The following MYH14 variants were observed in gnomAD, a reference collection of about 807,000 sequenced individuals.
MYH14 encodes the protein myosin-14.
A neutral mutation model predicts 255.5 loss-of-function variants in MYH14; 123 were observed. The observed-to-expected ratio is 0.48, with a 90% CI of 0.42 to 0.56. MYH14 has a LOEUF of 0.56. MYH14 is among the 20% of genes least tolerant of loss of function. MYH14 has a pLI of 0.00. For synonymous variants in MYH14, 1,095 were observed against 1,161.2 expected (o/e 0.94, Z 1.16); for missense variants, 2,423 against 2,802.3 (o/e 0.86, Z 3.06).
At chr19:50,281,317 G>A (rs1018991897) in intron 32 of MYH14, among the ~76,000 whole-genome samples, 1 of 152,156 alleles carries the variant, frequency 6.6e-6, no homozygotes, top group African/African-American at 2.4e-5. Context: ...CCCTGGCTGT[G>A]ACTCTGTGTC....
chr19:50,230,991 A>C lies in MYH14; in HGVS notation c.973+368A>C. On this transcript the variant is annotated intron_variant, in intron 9 of 42. Coordinates refer to ENST00000642316, the MANE Select transcript of MYH14 (RefSeq NM_001145809.2). The surrounding 1 kb of genome is among the most constrained non-coding windows in gnomAD (Gnocchi z 4.7). ...TTGCTGAGGCTCCTCCTGGTTCCTG[A>C]CGACGCTGGTTTGTGTTGCTTCTCG... The C allele has an allele frequency of 3.8e-6, 1 of 262,056 alleles. No homozygotes were observed. The highest frequency in any genetic ancestry group is 7.5e-6 in the Non-Finnish European group (1 of 132,768). 16.2% of individuals were successfully genotyped at this position (262,056 alleles called of 1,614,324 possible).
chr19:50,258,858 A>G lies in MYH14; in HGVS notation c.2233-286A>G, dbSNP rs867070119. 7.6e-5 allele frequency: 25 copies of G among 329,094 alleles called. No individual in the cohort carries two copies. The Middle Eastern group carries it at 2.4e-3, about 31-fold the overall frequency. 20.4% of individuals were successfully genotyped at this position (329,094 alleles called of 1,614,324 possible). A position where few individuals can be genotyped will look rare whatever the true frequency, so the allele number is the denominator to read the frequency against. On this transcript the variant is annotated intron_variant, in intron 18 of 42. Transcript: ENST00000642316. ...CTTGCGTGCAAATTCAGCCCCACCCACATCCCTCCCTGCGGATCTTTTCTC... is the reference window on the plus strand; with the variant it reads ...CTTGCGTGCAAATTCAGCCCCACCCGCATCCCTCCCTGCGGATCTTTTCTC...
chr19:50,224,032 T>TGCCCCCCCCC, intron 5 of MYH14, 122 bp from the exon 6 acceptor site: 1 of 610,326 alleles, frequency 1.6e-6, no homozygotes. Flanking sequence ...ATGCCCGGTT[T>TGCCCCCCCCC]CCCCAGTCCC....
intron 2 of MYH14, among the ~76,000 whole-genome samples, chr19:50,213,131 T>G (rs2123165374): frequency 2.0e-5 from 3 of 152,202 alleles, no homozygotes; most frequent in Middle Eastern, 6.8e-3. Flanking sequence ...TTTTGTATTT[T>G]TAGTAGAGTT....
chr19:50,295,005 GTTTTTTTTT>G (rs1195396880), intron 39 of MYH14, among the ~76,000 whole-genome samples: 67,809 of 142,786 alleles, frequency 0.47, 17,717 homozygotes, highest in Non-Finnish European at 0.58. Flanking sequence ...AAGAGATTAA[GTTTTTTTTT>G]TTTTTTTTTT....
intron 3 of MYH14, among the ~76,000 whole-genome samples, chr19:50,220,737 G>C (rs2032777625): frequency 6.6e-6 from 1 of 152,052 alleles, no homozygotes; most frequent in Admixed American, 6.6e-5. Flanking sequence ...ATTTTTAGTA[G>C]AGACCAGGTT....
chr19:50,301,135 T>C (rs1203387999), intron 39 of MYH14, among the ~76,000 whole-genome samples: 3 of 152,170 alleles, frequency 2.0e-5, no homozygotes, highest in Non-Finnish European at 2.9e-5. Flanking sequence ...GTTTACACAT[T>C]TTCCACGTAG....
intron 40 of MYH14, among the ~76,000 whole-genome samples, chr19:50,302,685 G>A (rs1457561347): frequency 6.6e-6 from 1 of 152,144 alleles, no homozygotes; most frequent in Non-Finnish European, 1.5e-5. Flanking sequence ...CAGATCACCT[G>A]AGGTCGGGAG....
Position 50,281,423 on chromosome 19 carries a change from G to A in MYH14, c.4291-171G>A, listed in dbSNP as rs183840452. On this transcript the variant is annotated intron_variant, in intron 32 of 42. Coordinates refer to ENST00000642316, the MANE Select transcript of MYH14 (RefSeq NM_001145809.2). ...AATTTTAATTCCCTGGAAGAACTAG[G>A]GCTCATAGTATTCACAACTTCACAC... is the stretch of plus-strand genomic sequence containing the variant. Among the ~76,000 whole-genome samples, 425 of 152,232 alleles carry A rather than the reference G, an allele frequency of 2.8e-3. 7 individuals are homozygous for A. The highest frequency in any genetic ancestry group is 8.4e-4 in the Non-Finnish European group (57 of 68,012).
chr19:50,249,894 G>A (rs1318096409), intron 14 of MYH14, 71 bp downstream of exon 14: 2 of 1,574,172 alleles, frequency 1.3e-6, no homozygotes, highest in Non-Finnish European at 1.7e-6. Flanking sequence ...GCGAGACCAG[G>A]GTCTAGCTCC....
chr19:50,300,509 G>GA (rs1343373146), intron 39 of MYH14, among the ~76,000 whole-genome samples: 2 of 152,156 alleles, frequency 1.3e-5, no homozygotes, highest in African/African-American at 4.8e-5. Flanking sequence ...AGCACTTTGG[G>GA]AGGCTGAGGT....
At chr19:50,217,985 T>C (rs1396152980) in intron 3 of MYH14, among the ~76,000 whole-genome samples, 1 of 152,160 alleles carries the variant, frequency 6.6e-6, no homozygotes, top group East Asian at 1.9e-4. Flanking sequence ...TCATTGTCTC[T>C]TTTATTATTG....
At chr19:50,224,824 G>A (rs1401910901) in intron 6 of MYH14, 2 of 456,450 alleles carry the variant, frequency 4.4e-6, no homozygotes, top group Admixed American at 2.4e-5. Flanking sequence ...AAAATTCTAG[G>A]CTGGGTTTGG....
At chr19:50,207,401 A>C (rs1282895426) in intron 1 of MYH14, among the ~76,000 whole-genome samples, 1 of 151,100 alleles carries the variant, frequency 6.6e-6, no homozygotes, top group Non-Finnish European at 1.5e-5. Flanking sequence ...CCGCGTTGGA[A>C]TTGCCACTAC....
chr19:50,272,977 TG>T (rs1476217874), intron 27 of MYH14, among the ~76,000 whole-genome samples: 1 of 152,088 alleles, frequency 6.6e-6, no homozygotes, highest in Non-Finnish European at 1.5e-5. Context: ...TGCATAACAG[TG>T]CACAATGGGA....
chr19:50,226,790 TG>T lies in MYH14; in HGVS notation c.811-106del, dbSNP rs71180683. On this transcript the variant is annotated intron_variant, in intron 7 of 42. Transcript: ENST00000642316. ...GGTTCAGGTAGAGGGAGCAAGGAAGTGGGGGGGCAGCCGCAGCTCTGGGAGC... is the reference window on the plus strand; with the variant it reads ...GGTTCAGGTAGAGGGAGCAAGGAAGTGGGGGGCAGCCGCAGCTCTGGGAGC... The T allele has an allele frequency of 0.27, 257,900 of 939,696 alleles. 38,387 individuals are homozygous for T. Among genetic ancestry groups the T allele is most frequent in the East Asian group, 0.37 (14,471 of 39,374 alleles). The allele number at this position is 939,696 out of a possible 1,614,324, so 58.2% of individuals were successfully genotyped here.
At chr19:50,216,539 G>A (rs2032482365) in intron 2 of MYH14, among the ~76,000 whole-genome samples, 1 of 151,906 alleles carries the variant, frequency 6.6e-6, no homozygotes, top group South Asian at 2.1e-4. Flanking sequence ...AGGAGGTGGA[G>A]GCTGCAGTGA....
chr19:50,249,926 GC>G, intron 14 of MYH14, 103 bp downstream of exon 14: 1 of 1,432,466 alleles, frequency 7.0e-7, no homozygotes. Context: ...GCCTCAGGAT[GC>G]CCCATGGGTT....
rs1268691507 is a variant in MYH14 at position 50,309,764 on chromosome 19, G to A, written c.6085G>A (p.Gly2029Arg). 6.3e-7 allele frequency: 1 copy of A among 1,587,356 alleles called. No homozygotes were observed. Among genetic ancestry groups the A allele is most frequent in the African/African-American group, 1.3e-5 (1 of 74,224 alleles). ...GTCTGGGCCATCCCCGGAGCCTGAG[G>A]GGTCCCCACCAGCCCACCCCCAGTG... ...PGSGPSPEPEGSPPAHPQ is the reference protein window; with the variant it reads ...PGSGPSPEPERSPPAHPQ The change falls in exon 43 of 43, where the codon GGG becomes AGG. Residue 2029 changes from glycine (G) to arginine (R), a missense_variant. By Grantham distance (125) the Gly-to-Arg change is moderately radical. This residue lies in a region of MYH14 where 1,513 missense variants were observed against 1,674.8 expected (regional missense o/e 0.90). Coordinates refer to ENST00000642316, the MANE Select transcript of MYH14 (RefSeq NM_001145809.2).
Sources: gnomAD v4.1 joint callset for allele counts (sites outside exome capture counted in the v4.1 genomes callset) on GRCh38, gnomAD v4.1.1 for gene constraint, gnomAD v4.1.1 regional missense constraint, Gnocchi (gnomAD v3.1) non-coding constraint, MANE v1.5 for transcripts, NCBI Gene and HGNC (gene_info 2026-07-23, HGNC 2026-07-21) for gene names.